EHBP1: variants seen among roughly 807,000 people sequenced by gnomAD.
EHBP1 encodes the protein EH domain binding protein 1, also known as EH domain-binding protein 1.
Under a neutral mutation model 144.0 loss-of-function variants are expected in EHBP1, and 55 were observed. That is an observed-to-expected ratio of 0.38 (90% CI 0.31 to 0.48). The LOEUF is 0.48. Ranked by LOEUF, EHBP1 falls within the 20% of genes least tolerant of loss-of-function variation. The pLI is 0.98. For synonymous variants in EHBP1, 469 were observed against 472.7 expected (o/e 0.99, Z 0.10); for missense variants, 1,200 against 1,364.2 (o/e 0.88, Z 1.90).
At chr2:62,757,818 A>G (rs1255807487) in intron 3 of EHBP1, among the ~76,000 whole-genome samples, 1 of 152,022 alleles carries the variant, frequency 6.6e-6, no homozygotes, top group Non-Finnish European at 1.5e-5. Context: ...TTATTTTTAA[A>G]AATTTAGAAT....
intron 19 of EHBP1, 141 bp downstream of exon 19, chr2:62,996,907 C>T (rs2059652774): frequency 1.1e-5 from 14 of 1,225,878 alleles, no homozygotes; most frequent in Non-Finnish European, 1.6e-5. Context: ...GATTTGCAGC[C>T]ACCTCTCTGG....
chr2:62,960,481 G>A lies in EHBP1; in HGVS notation c.2460+4821G>A, dbSNP rs748148311. On this transcript the variant is annotated intron_variant, in intron 14 of 22. Coordinates refer to ENST00000431489, the MANE Select transcript of EHBP1 (RefSeq NM_001142616.3). ...AATTCTCTTTCCTATATCTTTTGCT[G>A]TTATTCTCTACCGTAGCATGCATTC... 4.5e-4 allele frequency among the ~76,000 whole-genome samples: 68 copies of A among 152,160 alleles called. No individual in the cohort carries two copies. The Middle Eastern group carries it at 0.014, about 30-fold the overall frequency.
At chr2:62,989,029 A>G (rs955151329) in intron 15 of EHBP1, among the ~76,000 whole-genome samples, 2 of 152,154 alleles carry the variant, frequency 1.3e-5, no homozygotes, top group Non-Finnish European at 2.9e-5. Flanking sequence ...TAGCTCCTTC[A>G]TGGCCGGGTG....
intron 1 of EHBP1, among the ~76,000 whole-genome samples, chr2:62,676,709 C>CT (rs895114591): frequency 3.4e-4 from 50 of 147,290 alleles, no homozygotes; most frequent in African/African-American, 8.2e-4. Context: ...AACCATATTC[C>CT]TTTTTTTTTT....
chr2:62,955,617 A>G lies in EHBP1; in HGVS notation c.2417A>G (p.Asn806Ser), dbSNP rs201463273. Residue 806 changes from asparagine to serine, a missense_variant, in exon 14 of 23, where the codon AAT becomes AGT. Transcript: ENST00000431489. Reference sequence around the variant, plus strand: ...GCCTTAAAGGCGGGGAATAAGCACAATACCAACACAGCCACCCCATTCTGC... The same window carrying G: ...GCCTTAAAGGCGGGGAATAAGCACAGTACCAACACAGCCACCCCATTCTGC... The part of the protein sequence containing the change: ...DAALKAGNKH[N>S]TNTATPFCNR... 5.8e-5 allele frequency: 93 copies of G among 1,612,658 alleles called. No homozygotes were observed. Among genetic ancestry groups the G allele is most frequent in the Middle Eastern group, 3.3e-4 (2 of 6,056 alleles).
chr2:63,043,696 G>A (rs1198544619), intron 21 of EHBP1, among the ~76,000 whole-genome samples: 1 of 152,016 alleles, frequency 6.6e-6, no homozygotes, highest in Non-Finnish European at 1.5e-5. Flanking sequence ...GGTCGGGGGG[G>A]ATTTGAACCA....
chr2:63,035,109 A>G (rs2061398688), intron 19 of EHBP1, among the ~76,000 whole-genome samples: 1 of 152,068 alleles, frequency 6.6e-6, no homozygotes, highest in Non-Finnish European at 1.5e-5. Context: ...TAATGGTTCA[A>G]CTTACTGGCT....
Position 63,046,343 on chromosome 2 carries a change from C to A in EHBP1, c.*843C>A, listed in dbSNP as rs1374115775. On this transcript the variant is annotated 3_prime_UTR_variant, in exon 23 of 23. Coordinates refer to ENST00000431489, the MANE Select transcript of EHBP1 (RefSeq NM_001142616.3). ...TATTCTGTATTGATAAAAAGTCTGT[C>A]TTGCCACTACAAGTAAATCCCCCAT... The A allele has an allele frequency of 6.6e-6, 1 of 152,662 alleles. No individual in the cohort carries two copies. Among genetic ancestry groups the A allele is most frequent in the African/African-American group, 2.4e-5 (1 of 41,462 alleles). The allele number at this position is 152,662 out of a possible 1,614,324, so 9.5% of individuals were successfully genotyped here.
chr2:62,836,110 G>A (rs2047222852), intron 7 of EHBP1, among the ~76,000 whole-genome samples: 3 of 152,252 alleles, frequency 2.0e-5, no homozygotes, highest in Admixed American at 2.0e-4. Flanking sequence ...GCTTTGAAGA[G>A]AGCAGTGGTT....
intron 10 of EHBP1, among the ~76,000 whole-genome samples, chr2:62,893,351 G>A (rs901761662): frequency 2.0e-5 from 3 of 152,018 alleles, no homozygotes; most frequent in Non-Finnish European, 4.4e-5. Context: ...TTTAAACGGT[G>A]TGAGATGTTA....
At chr2:62,931,803 C>T (rs1318150765) in intron 10 of EHBP1, among the ~76,000 whole-genome samples, 1 of 152,114 alleles carries the variant, frequency 6.6e-6, no homozygotes, top group African/African-American at 2.4e-5. Flanking sequence ...GATAACATCT[C>T]AGTTATCCAG....
rs535959340 is a variant in EHBP1 at position 62,760,734 on chromosome 2, A to G, written c.163-3532A>G. On this transcript the variant is annotated intron_variant, in intron 3 of 22. Coordinates refer to ENST00000431489, the MANE Select transcript of EHBP1 (RefSeq NM_001142616.3). The stretch of plus-strand genomic sequence containing the variant: ...TTCTTGACTACCATGCAAATCAGAG[A>G]TAGAGCAGGGCATGATATGGGTTTG... 7.2e-5 allele frequency among the ~76,000 whole-genome samples: 11 copies of G among 152,310 alleles called. No homozygotes were observed. The South Asian group carries it at 2.3e-3, about 32-fold the overall frequency.
At position 62,872,457 on chromosome 2, in the gene EHBP1, A is replaced by G. The variant is rs2050567096; in HGVS notation, c.999-1889A>G. On this transcript the variant is annotated intron_variant, in intron 9 of 22. Coordinates refer to ENST00000431489, the MANE Select transcript of EHBP1 (RefSeq NM_001142616.3). ...TTCTGTAAATATTTTTTATTTGCTT[A>G]CATTTATTTATATTTAAAATATATT... Among the ~76,000 whole-genome samples the G allele has an allele frequency of 3.3e-5, 5 of 152,138 alleles. No homozygotes were observed. In the South Asian group the frequency reaches 1.0e-3, roughly 31 times the overall value.
chr2:62,686,967 T>C (rs755199480), intron 1 of EHBP1, among the ~76,000 whole-genome samples: 1 of 152,158 alleles, frequency 6.6e-6, no homozygotes, highest in Non-Finnish European at 1.5e-5. Flanking sequence ...AGACAAGCCC[T>C]ATTATCCCCA....
At chr2:62,696,246 C>T (rs2151753929) in intron 1 of EHBP1, among the ~76,000 whole-genome samples, 1 of 151,280 alleles carries the variant, frequency 6.6e-6, no homozygotes, top group East Asian at 2.0e-4. Context: ...TCTTGGCTCA[C>T]TGCAGCCTCT....
intron 7 of EHBP1, among the ~76,000 whole-genome samples, chr2:62,849,239 T>C (rs1424949691): frequency 6.6e-6 from 1 of 151,980 alleles, no homozygotes; most frequent in Non-Finnish European, 1.5e-5. Context: ...ATGTAAAAAG[T>C]TCATGTGCCC....
intron 10 of EHBP1, among the ~76,000 whole-genome samples, chr2:62,909,345 G>T (rs962935068): frequency 1.3e-5 from 2 of 152,226 alleles, no homozygotes; most frequent in South Asian, 4.1e-4. Context: ...ACCACGCCTG[G>T]TTAATTTTTG....
intron 3 of EHBP1, among the ~76,000 whole-genome samples, chr2:62,754,410 G>A (rs971634262): frequency 6.6e-6 from 1 of 152,208 alleles, no homozygotes; most frequent in Non-Finnish European, 1.5e-5. Flanking sequence ...CTACTGGGGG[G>A]TGCCTCCCAG....
chr2:62,770,897 G>T (rs2041607727), intron 4 of EHBP1, among the ~76,000 whole-genome samples: 1 of 152,132 alleles, frequency 6.6e-6, no homozygotes, highest in South Asian at 2.1e-4. Context: ...ACATACTGTT[G>T]CGGGGACAGG....
Sources: gnomAD v4.1 joint callset for allele counts (sites outside exome capture counted in the v4.1 genomes callset) on GRCh38, gnomAD v4.1.1 for gene constraint, MANE v1.5 for transcripts, NCBI Gene and HGNC (gene_info 2026-07-23, HGNC 2026-07-21) for gene names.